LARGE1: variants seen among roughly 807,000 people sequenced by gnomAD.
The protein encoded by LARGE1 is xylosyl- and glucuronyltransferase LARGE1.
Under a neutral mutation model 87.6 loss-of-function variants are expected in LARGE1, and 43 were observed. The ratio of observed to expected loss-of-function variants is 0.49; its 90% CI spans 0.38 to 0.63. The LOEUF is 0.63. Among genes scored for constraint, LARGE1 ranks in the 30% least tolerant of loss-of-function variants. LARGE1 has a pLI of 0.00. For missense variants in LARGE1, 802 were observed against 1,000.2 expected (o/e 0.80, Z 2.67); for synonymous variants, 434 against 394.6 (o/e 1.10, Z -1.18).
chr22:33,434,541 C>G (rs1031516491), intron 6 of LARGE1, among the ~76,000 whole-genome samples: 1 of 152,146 alleles, frequency 6.6e-6, no homozygotes, highest in Non-Finnish European at 1.5e-5. Flanking sequence ...CCTTGTGATC[C>G]GCCTGCCTCG....
chr22:33,362,430 G>T (rs1179196287), intron 9 of LARGE1, among the ~76,000 whole-genome samples: 2 of 149,668 alleles, frequency 1.3e-5, no homozygotes, highest in African/African-American at 4.9e-5. Context: ...GCTCCCAAAG[G>T]ATATACACTT....
the LARGE1 span, among the ~76,000 whole-genome samples, chr22:33,149,236 G>T: frequency 7.6e-4 from 116 of 151,754 alleles, no homozygotes; most frequent in South Asian, 8.3e-4. Flanking sequence ...TAGAGACGGG[G>T]TTTCACTGTG....
rs138726715 is a variant in LARGE1, at chr22:33,301,942, AAAT to A, written c.1730+2284_1730+2286del. ...TTTAAAACATGATGCCCATGAGGTC[AAAT>A]AATTAAATAGTCCTTGCACAGGGAG... is the stretch of plus-strand genomic sequence containing the variant. On this transcript the variant is annotated intron_variant, in intron 12 of 14. Transcript: ENST00000397394. 8.7e-3 allele frequency among the ~76,000 whole-genome samples: 1,331 copies of A among 152,374 alleles called. 34 individuals carry two copies. Among genetic ancestry groups the A allele is most frequent in the African/African-American group, 0.031 (1,278 of 41,594 alleles).
chr22:33,603,200 A>G (rs1209324304), intron 5 of LARGE1, among the ~76,000 whole-genome samples: 4 of 152,234 alleles, frequency 2.6e-5, no homozygotes, highest in African/African-American at 9.6e-5. Flanking sequence ...CTGGCATGTC[A>G]GTGATCTATT....
rs573851707 is a variant in LARGE1 at position 33,678,553 on chromosome 22, C to T, written c.107-27885G>A. Among the ~76,000 whole-genome samples the T allele has an allele frequency of 1.2e-3, 178 of 152,294 alleles. 6 individuals are homozygous for T. In the South Asian group the frequency reaches 0.035, roughly 30 times the overall value. On this transcript the variant is annotated intron_variant, in intron 2 of 14. Transcript: ENST00000397394. ...GAAGCCTCATTATTGTCTTTAATTT[C>T]TCCATTCTAGTGGTTCTTAGGAGAC...
chr22:33,705,539 TCAG>T (rs2082535901), intron 2 of LARGE1, among the ~76,000 whole-genome samples: 1 of 152,124 alleles, frequency 6.6e-6, no homozygotes, highest in Admixed American at 6.6e-5. Flanking sequence ...CACACAATGC[TCAG>T]CCCCATTTCA....
At chr22:33,763,291 C>A (rs969493775) in intron 1 of LARGE1, among the ~76,000 whole-genome samples, 9 of 152,198 alleles carry the variant, frequency 5.9e-5, no homozygotes, top group African/African-American at 2.2e-4. Context: ...GAGCCGATCA[C>A]AACTGTCAAT....
At chr22:33,134,255 C>CTTTTTTTT in the LARGE1 span, among the ~76,000 whole-genome samples, 1 of 124,374 alleles carries the variant, frequency 8.0e-6, no homozygotes, top group African/African-American at 3.1e-5. Flanking sequence ...AAAGAACTCC[C>CTTTTTTTT]TTTTTTTTTT....
intron 1 of LARGE1, among the ~76,000 whole-genome samples, chr22:33,795,344 C>A (rs2085945661): frequency 6.6e-6 from 1 of 152,172 alleles, no homozygotes; most frequent in African/African-American, 2.4e-5. Flanking sequence ...TGTAGGTTTA[C>A]ACAGACGCAA....
chr22:33,518,902 G>A (rs541088950), intron 6 of LARGE1, among the ~76,000 whole-genome samples: 6 of 151,962 alleles, frequency 3.9e-5, no homozygotes, highest in Non-Finnish European at 8.8e-5. Flanking sequence ...CCAGGGACCC[G>A]CACATCCAGG....
In LARGE1 at chr22:33,853,685, AAAAGTG is replaced by A. The variant is rs1201863065; in HGVS notation, c.-83+66304_-83+66309del. Among the ~76,000 whole-genome samples, 3 of 152,254 alleles carry A rather than the reference AAAAGTG, an allele frequency of 2.0e-5. No homozygotes were observed. The East Asian group carries it at 5.8e-4, about 29-fold the overall frequency. ...TATGCCGAAGATAGCAAGGATACAA[AAAAGTG>A]CCAGTTCCTTTCCCACATGTGCTGA... is the stretch of plus-strand genomic sequence containing the variant. On this transcript the variant is annotated intron_variant, in intron 1 of 14. Transcript: ENST00000397394.
intron 6 of LARGE1, among the ~76,000 whole-genome samples, chr22:33,448,183 G>T (rs564281064): frequency 1.3e-5 from 2 of 152,210 alleles, no homozygotes; most frequent in Admixed American, 1.3e-4. Flanking sequence ...TCAAGTGGTT[G>T]CACAACGTTG....
intron 11 of LARGE1, among the ~76,000 whole-genome samples, chr22:33,258,357 T>C (rs1337081576): frequency 6.6e-6 from 1 of 152,152 alleles, no homozygotes; most frequent in African/African-American, 2.4e-5. Context: ...GAGGGAAAGA[T>C]GCTAGAACTG....
intron 1 of LARGE1, among the ~76,000 whole-genome samples, chr22:33,801,602 C>T (rs886513534): frequency 8.5e-5 from 13 of 152,198 alleles, no homozygotes; most frequent in African/African-American, 3.1e-4. Context: ...GGATACGAGT[C>T]CTCTGTCAAA....
At chr22:33,168,664 T>C (rs976729741) in intron 11 of LARGE1, among the ~76,000 whole-genome samples, 4 of 152,246 alleles carry the variant, frequency 2.6e-5, no homozygotes, top group Non-Finnish European at 1.5e-5. Context: ...ATATCTACTA[T>C]ATATTTCATA....
intron 9 of LARGE1, among the ~76,000 whole-genome samples, chr22:33,357,167 T>C (rs1940971476): frequency 6.6e-6 from 1 of 152,170 alleles, no homozygotes; most frequent in African/African-American, 2.4e-5. Flanking sequence ...TGTAGGTATA[T>C]ATATATGAAT....
At position 33,520,031 on chromosome 22, in the gene LARGE1, G is replaced by T. The variant is rs192314113; in HGVS notation, c.787+44817C>A. Among the ~76,000 whole-genome samples the T allele has an allele frequency of 6.3e-5, 9 of 142,104 alleles. No individual in the cohort carries two copies. In the South Asian group the frequency reaches 1.2e-3, roughly 18 times the overall value. The allele number at this position is 142,104 out of a possible 152,430, so 93.2% of individuals were successfully genotyped here. A position where few individuals can be genotyped will look rare whatever the true frequency, so the allele number is the denominator to read the frequency against. On this transcript the variant is annotated intron_variant, in intron 6 of 14. Transcript: ENST00000397394. ...TTTTTTTTTTTTTTTTGGAGTCAGG[G>T]TCTCACTCTGTCACCCAGGCTGGAG... is the stretch of plus-strand genomic sequence containing the variant.
intron 6 of LARGE1, among the ~76,000 whole-genome samples, chr22:33,459,545 C>G (rs2147998500): frequency 6.6e-6 from 1 of 151,668 alleles, no homozygotes; most frequent in Non-Finnish European, 1.5e-5. Context: ...ATAGAATCCT[C>G]CCTGCTACAT....
chr22:33,607,973 G>T (rs1277401562), intron 4 of LARGE1, among the ~76,000 whole-genome samples: 3 of 152,140 alleles, frequency 2.0e-5, no homozygotes, highest in African/African-American at 4.8e-5. Context: ...CTGCCACTGG[G>T]CCTTGGTGAT....
Sources: gnomAD v4.1 joint callset for allele counts (sites outside exome capture counted in the v4.1 genomes callset) on GRCh38, gnomAD v4.1.1 for gene constraint, MANE v1.5 for transcripts, NCBI Gene and HGNC (gene_info 2026-07-23, HGNC 2026-07-21) for gene names.